The following SERPINI1 variants were observed in gnomAD, a reference collection of about 807,000 sequenced individuals.
SERPINI1 encodes the protein neuroserpin.
In SERPINI1, 19 loss-of-function variants were observed where a neutral mutation model predicts 41.1. The observed-to-expected ratio is 0.46, with a 90% CI of 0.32 to 0.68. The LOEUF (loss-of-function observed/expected upper bound fraction) is 0.68, where lower values mean the gene tolerates loss of function less well. Among genes scored for constraint, SERPINI1 ranks in the 30% least tolerant of loss-of-function variants. The pLI is 0.03. For synonymous variants in SERPINI1, 138 were observed against 156.6 expected (o/e 0.88, Z 0.89); for missense variants, 460 against 479.2 (o/e 0.96, Z 0.37).
intron 8 of SERPINI1, among the ~76,000 whole-genome samples, 169 bp downstream of exon 8, chr3:167,824,731 T>TG (rs1712457180): frequency 6.6e-6 from 1 of 152,160 alleles, no homozygotes; most frequent in Non-Finnish European, 1.5e-5. Flanking sequence ...TTTATAATGT[T>TG]GAAATGATTT....
chr3:167,783,108 T>C (rs1182914462), intron 1 of SERPINI1, among the ~76,000 whole-genome samples: 1 of 152,172 alleles, frequency 6.6e-6, no homozygotes, highest in Non-Finnish European at 1.5e-5. Context: ...GCTCAGCATA[T>C]GTTGGATTGA....
chr3:167,804,618 A>G (rs1023104994), intron 5 of SERPINI1, among the ~76,000 whole-genome samples: 10 of 152,154 alleles, frequency 6.6e-5, no homozygotes, highest in Non-Finnish European at 7.3e-5. Context: ...AGATTGCTTT[A>G]GACCAGAATT....
chr3:167,765,125 G>A lies in SERPINI1; in HGVS notation c.-18-23986G>A, dbSNP rs143313428. ...CCATTCTGGGGTCTGGTGGACAGTGGCCCTCTCCTCACATATCCACTAGAC... is the reference window on the plus strand; with the variant it reads ...CCATTCTGGGGTCTGGTGGACAGTGACCCTCTCCTCACATATCCACTAGAC... On this transcript the variant is annotated intron_variant, in intron 1 of 8. Transcript: ENST00000446050. 9.9e-5 allele frequency among the ~76,000 whole-genome samples: 15 copies of A among 152,240 alleles called. No individual in the cohort carries two copies. In the East Asian group the frequency reaches 2.3e-3, roughly 24 times the overall value.
In SERPINI1 at chr3:167,754,039, C is replaced by G. The variant is rs114115320; in HGVS notation, c.-19+18216C>G. Among the ~76,000 whole-genome samples the G allele has an allele frequency of 6.8e-3, 1,042 of 152,272 alleles. 8 individuals are homozygous for G. The highest frequency in any genetic ancestry group is 0.01 in the Non-Finnish European group (706 of 68,028). On this transcript the variant is annotated intron_variant, in intron 1 of 8. Coordinates refer to ENST00000446050, the MANE Select transcript of SERPINI1 (RefSeq NM_001122752.2). ...CCAAAATCATGTATTAACCTTACTT[C>G]AAGCTGCTTTTTCAAGGGAAATATT...
chr3:167,817,948 T>A (rs919539398), intron 6 of SERPINI1, among the ~76,000 whole-genome samples: 1 of 151,932 alleles, frequency 6.6e-6, no homozygotes, highest in Non-Finnish European at 1.5e-5. Context: ...TCATGGTAAA[T>A]CTCTTCATTT....
intron 1 of SERPINI1, among the ~76,000 whole-genome samples, chr3:167,742,717 A>T (rs184530087): frequency 3.0e-4 from 45 of 152,104 alleles, no homozygotes; most frequent in African/African-American, 1.1e-3. Flanking sequence ...TTTGAGAATG[A>T]CTTTTGGATA....
At chr3:167,759,400 G>GTATATACATATATATATATATATATATA (rs1553771739) in intron 1 of SERPINI1, among the ~76,000 whole-genome samples, 2 of 121,118 alleles carry the variant, frequency 1.7e-5, no homozygotes, top group Non-Finnish European at 3.6e-5. Flanking sequence ...AGAAAATGTG[G>GTATATACATATATATATATATATATATA]TATATATATA....
In SERPINI1 at chr3:167,774,626, T is replaced by G. The variant is rs145017265; in HGVS notation, c.-18-14485T>G. Among the ~76,000 whole-genome samples, 951 of 152,292 alleles carry G rather than the reference T, an allele frequency of 6.2e-3. 26 individuals carry two copies. Among genetic ancestry groups the G allele is most frequent in the Admixed American group, 0.048 (734 of 15,294 alleles). On this transcript the variant is annotated intron_variant, in intron 1 of 8. Coordinates refer to ENST00000446050, the MANE Select transcript of SERPINI1 (RefSeq NM_001122752.2). ...AATTACCAACCCGAGCTCCACCTCC[T>G]GTCAGACCAGCAGCAGCATTAGATT...
At chr3:167,813,368 T>TA (rs1711959017) in intron 6 of SERPINI1, among the ~76,000 whole-genome samples, 2 of 152,344 alleles carry the variant, frequency 1.3e-5, no homozygotes, top group South Asian at 4.1e-4. Context: ...CCAGGCTCTC[T>TA]AGCATCATCG....
At chr3:167,822,434 G>A (rs1013441826) in intron 6 of SERPINI1, among the ~76,000 whole-genome samples, 3 of 152,096 alleles carry the variant, frequency 2.0e-5, no homozygotes, top group Non-Finnish European at 2.9e-5. Flanking sequence ...AGGATAAAAC[G>A]TGTTTGTGAA....
At chr3:167,740,931 G>T (rs1039760030) in intron 1 of SERPINI1, among the ~76,000 whole-genome samples, 1 of 152,120 alleles carries the variant, frequency 6.6e-6, no homozygotes, top group Non-Finnish European at 1.5e-5. Context: ...AATGTAATAT[G>T]AGGCCTTAAC....
chr3:167,793,918 C>A, intron 4 of SERPINI1, among the ~76,000 whole-genome samples: 1 of 149,344 alleles, frequency 6.7e-6, no homozygotes, highest in Non-Finnish European at 1.5e-5. Flanking sequence ...CCTCATTTAC[C>A]TAATTACCTA....
intron 6 of SERPINI1, among the ~76,000 whole-genome samples, chr3:167,810,124 CT>C (rs1255557296): frequency 3.3e-5 from 5 of 152,006 alleles, no homozygotes; most frequent in African/African-American, 7.2e-5. Context: ...AAACTTGCCC[CT>C]TTTTTTCCTC....
chr3:167,779,568 A>G (rs1727057213), intron 1 of SERPINI1, among the ~76,000 whole-genome samples: 1 of 152,182 alleles, frequency 6.6e-6, no homozygotes, highest in African/African-American at 2.4e-5. Flanking sequence ...TTCAAAACCC[A>G]TAGAGTCAGA....
chr3:167,821,295 G>A (rs1250364012), intron 6 of SERPINI1, among the ~76,000 whole-genome samples: 1 of 152,128 alleles, frequency 6.6e-6, no homozygotes, highest in Non-Finnish European at 1.5e-5. Context: ...GAAGTGCCGT[G>A]GCCCTTCAGG....
intron 1 of SERPINI1, among the ~76,000 whole-genome samples, chr3:167,785,833 C>A (rs1407214247): frequency 6.6e-6 from 1 of 152,162 alleles, no homozygotes; most frequent in Non-Finnish European, 1.5e-5. Flanking sequence ...ATGTTAAATG[C>A]AGTGGTTTCC....
chr3:167,781,634 C>CTGTTTTT (rs1727130097), intron 1 of SERPINI1, among the ~76,000 whole-genome samples: 1 of 81,752 alleles, frequency 1.2e-5, no homozygotes, highest in African/African-American at 5.2e-5. Flanking sequence ...TTCTTTTGGC[C>CTGTTTTT]TTTTTTTTTT....
chr3:167,788,049 A>AT (rs1432433259), intron 1 of SERPINI1, among the ~76,000 whole-genome samples: 3 of 152,200 alleles, frequency 2.0e-5, no homozygotes, highest in African/African-American at 7.2e-5. Context: ...TGTTTTAGTG[A>AT]TTTTTTTAAA....
intron 5 of SERPINI1, among the ~76,000 whole-genome samples, chr3:167,797,991 A>G (rs1422655544): frequency 1.3e-5 from 2 of 152,094 alleles, no homozygotes; most frequent in South Asian, 2.1e-4. Flanking sequence ...GTACAGTGTT[A>G]ATGCTTCTCT....
Sources: allele counts gnomAD v4.1 joint callset (sites outside exome capture counted in the v4.1 genomes callset), GRCh38; gene constraint gnomAD v4.1.1; transcripts MANE v1.5; gene names NCBI Gene and HGNC (gene_info 2026-07-23, HGNC 2026-07-21).